Variants in TRMT11 observed in about 807,000 individuals in gnomAD.
TRMT11 encodes tRNA (guanine(10)-N(2))-methyltransferase TRMT11.
Under a neutral mutation model 62.8 loss-of-function variants are expected in TRMT11, and 53 were observed. The observed-to-expected ratio is 0.84, with a 90% CI of 0.68 to 1.06. TRMT11 has a LOEUF of 1.06. Among genes scored for constraint, TRMT11 ranks in the 50% least tolerant of loss-of-function variants. The probability of loss-of-function intolerance (pLI) is 0.00; values close to 1 mark genes in which losing one functional copy is unlikely to be tolerated. For missense variants in TRMT11, 556 were observed against 553.4 expected, an observed-to-expected ratio of 1.00 and a Z score of -0.05; for synonymous variants, 188 against 190.3, an observed-to-expected ratio of 0.99 and a Z score of 0.10.
the TRMT11 span, among the ~76,000 whole-genome samples, chr6:126,268,208 A>C: frequency 6.6e-6 from 1 of 152,164 alleles, no homozygotes; most frequent in Non-Finnish European, 1.5e-5. Flanking sequence ...GAAGGAGAAG[A>C]AGAGAGCTAT....
intron 17 of TRMT11, among the ~76,000 whole-genome samples, chr6:126,061,779 C>T (rs189802379): frequency 4.6e-5 from 7 of 152,316 alleles, no homozygotes; most frequent in Admixed American, 2.0e-4. Context: ...TTTGCTCTAG[C>T]ATGCTAGCTG....
At chr6:125,987,488 G>T (rs942956606) in intron 1 of TRMT11, among the ~76,000 whole-genome samples, 2 of 152,190 alleles carry the variant, frequency 1.3e-5, no homozygotes, top group East Asian at 3.9e-4. Context: ...GAGCTTGGAA[G>T]GGGGATTTAT....
chr6:126,076,370 A>G (rs575042373), intron 17 of TRMT11, among the ~76,000 whole-genome samples: 1 of 152,302 alleles, frequency 6.6e-6, no homozygotes, highest in Admixed American at 6.5e-5. Flanking sequence ...CCATCAGTGA[A>G]TGTGTCCTTT....
chr6:126,174,194 GA>G (rs1165920946), upstream of TRMT11, among the ~76,000 whole-genome samples: 2 of 152,188 alleles, frequency 1.3e-5, no homozygotes, highest in African/African-American at 4.8e-5. Context: ...GAGTGTTGGT[GA>G]AGGTGTAGCT....
Position 125,986,771 on chromosome 6 carries a change from G to A in TRMT11, c.72+149G>A, listed in dbSNP as rs144288698. ...GGTCACGCGTCCCCAGTCCTCGGGCGGGGTGAGCTTGGCGGAGGGTGTGTG... is the reference window on the plus strand; with the variant it reads ...GGTCACGCGTCCCCAGTCCTCGGGCAGGGTGAGCTTGGCGGAGGGTGTGTG... On this transcript the variant is annotated intron_variant, in intron 1 of 12. Coordinates refer to ENST00000334379, the MANE Select transcript of TRMT11 (RefSeq NM_001031712.3). The A allele has an allele frequency of 3.1e-5, 22 of 710,080 alleles. No individual in the cohort carries two copies. In the African/African-American group the frequency reaches 3.4e-4, roughly 11 times the overall value. 44.0% of individuals were successfully genotyped at this position (710,080 alleles called of 1,614,324 possible). A position where few individuals can be genotyped will look rare whatever the true frequency, so the allele number is the denominator to read the frequency against.
At chr6:126,155,364 C>A (rs1490167658) in intron 21 of TRMT11, among the ~76,000 whole-genome samples, 1 of 152,328 alleles carries the variant, frequency 6.6e-6, no homozygotes, top group South Asian at 2.1e-4. Flanking sequence ...GGCCCCACCT[C>A]CAACATTCAG....
intron 21 of TRMT11, among the ~76,000 whole-genome samples, chr6:126,158,713 A>G (rs1441784874): frequency 6.6e-6 from 1 of 152,138 alleles, no homozygotes; most frequent in African/African-American, 2.4e-5. Flanking sequence ...GGCCACTTCA[A>G]GCTTGGGGCA....
At chr6:126,137,370 GA>G (rs1366015712) in intron 21 of TRMT11, among the ~76,000 whole-genome samples, 1 of 151,706 alleles carries the variant, frequency 6.6e-6, no homozygotes, top group Non-Finnish European at 1.5e-5. Context: ...CTCAAAAGTA[GA>G]CATACAAATG....
intron 21 of TRMT11, among the ~76,000 whole-genome samples, chr6:126,130,486 T>C (rs1777768768): frequency 6.6e-6 from 1 of 152,094 alleles, no homozygotes; most frequent in South Asian, 2.1e-4. Context: ...GAAGTCAGAA[T>C]GTTCTTCTGC....
At chr6:126,165,473 C>T (rs185170672) in intron 21 of TRMT11, among the ~76,000 whole-genome samples, 111 of 152,162 alleles carry the variant, frequency 7.3e-4, no homozygotes, top group African/African-American at 2.3e-3. Context: ...TAAGGCAGGC[C>T]GGCTTGTGAC....
At chr6:126,120,382 ATTCCT>A (rs1777636198) in intron 21 of TRMT11, among the ~76,000 whole-genome samples, 1 of 152,148 alleles carries the variant, frequency 6.6e-6, no homozygotes, top group Non-Finnish European at 1.5e-5. Flanking sequence ...ATTTTTATTT[ATTCCT>A]TTTCATATCT....
chr6:126,249,963 C>T, the TRMT11 span, among the ~76,000 whole-genome samples: 2 of 152,048 alleles, frequency 1.3e-5, no homozygotes, highest in Non-Finnish European at 2.9e-5. Context: ...AGAAAAATGT[C>T]AGGCACAATG....
chr6:126,198,110 A>T (rs908849552), intron 1 of TRMT11, among the ~76,000 whole-genome samples: 1 of 152,210 alleles, frequency 6.6e-6, no homozygotes, highest in Non-Finnish European at 1.5e-5. Flanking sequence ...TTCTACTCTT[A>T]ACCTTTCAGG....
At chr6:126,114,325 G>A (rs1034482800) in intron 18 of TRMT11, among the ~76,000 whole-genome samples, 2 of 152,016 alleles carry the variant, frequency 1.3e-5, no homozygotes, top group Non-Finnish European at 2.9e-5. Context: ...CAGATCAAAG[G>A]GGTTCTGTTA....
At chr6:126,006,293 T>A (rs1217506881) in intron 7 of TRMT11, among the ~76,000 whole-genome samples, 1 of 152,018 alleles carries the variant, frequency 6.6e-6, no homozygotes, top group Non-Finnish European at 1.5e-5. Context: ...CATTTTTCTT[T>A]CTTTTTTTTC....
chr6:126,197,242 G>A (rs1778677427), intron 1 of TRMT11, among the ~76,000 whole-genome samples: 1 of 151,996 alleles, frequency 6.6e-6, no homozygotes, highest in African/African-American at 2.4e-5. Context: ...CCACTTACCA[G>A]TTTCCAATAT....
At chr6:126,095,124 C>G (rs1777326234) in intron 17 of TRMT11, among the ~76,000 whole-genome samples, 2 of 152,112 alleles carry the variant, frequency 1.3e-5, no homozygotes, top group Middle Eastern at 3.2e-3. Context: ...GCATGCATCT[C>G]TAGAATTTAA....
At chr6:126,074,958 A>G (rs1776975066) in intron 17 of TRMT11, among the ~76,000 whole-genome samples, 1 of 152,192 alleles carries the variant, frequency 6.6e-6, no homozygotes, top group Non-Finnish European at 1.5e-5. Context: ...TTCCGTCTGC[A>G]CAATTTTTAT....
the TRMT11 span, among the ~76,000 whole-genome samples, chr6:126,215,355 A>G: frequency 4.4e-4 from 67 of 152,164 alleles, 1 homozygote; most frequent in Middle Eastern, 6.8e-3. Flanking sequence ...TGTTTTATAT[A>G]TCTAGGTGCT....
Sources: allele counts gnomAD v4.1 joint callset (sites outside exome capture counted in the v4.1 genomes callset), GRCh38; gene constraint gnomAD v4.1.1; transcripts MANE v1.5; gene names NCBI Gene and HGNC (gene_info 2026-07-23, HGNC 2026-07-21).